INVS: variants seen among roughly 807,000 people sequenced by gnomAD.
The protein encoded by INVS is inversion of embryo turning homolog.
In INVS, 86 loss-of-function variants were observed where a neutral mutation model predicts 108.8. That is an observed-to-expected ratio of 0.79 (90% CI 0.66 to 0.95). The LOEUF (loss-of-function observed/expected upper bound fraction) is 0.95, where lower values mean the gene tolerates loss of function less well. Among genes scored for constraint, INVS ranks in the 40% least tolerant of loss-of-function variants. INVS has a pLI of 0.00. For missense variants in INVS, 1,169 were observed against 1,297.4 expected, an observed-to-expected ratio of 0.90 and a Z score of 1.52; for synonymous variants, 455 against 473.5, an observed-to-expected ratio of 0.96 and a Z score of 0.51.
chr9:100,265,676 A>G (rs1036249779), intron 11 of INVS, among the ~76,000 whole-genome samples: 1 of 152,182 alleles, frequency 6.6e-6, no homozygotes, highest in Non-Finnish European at 1.5e-5. Context: ...ACATAAGGAG[A>G]AGCTAAGATG....
intron 3 of INVS, among the ~76,000 whole-genome samples, chr9:100,164,403 C>CT (rs1359723941): frequency 1.4e-5 from 2 of 142,118 alleles, no homozygotes; most frequent in Admixed American, 6.7e-5. Flanking sequence ...GACTTTGACA[C>CT]TAAGTTTTTT....
intron 2 of INVS, among the ~76,000 whole-genome samples, chr9:100,108,951 C>T (rs187038180): frequency 7.9e-5 from 12 of 152,342 alleles, no homozygotes; most frequent in Non-Finnish European, 1.8e-4. Context: ...TTAGGGCTTA[C>T]TTCTGAGCCT....
intron 3 of INVS, among the ~76,000 whole-genome samples, chr9:100,141,813 G>T (rs1461939013): frequency 2.0e-5 from 3 of 152,194 alleles, no homozygotes; most frequent in Admixed American, 6.5e-5. Flanking sequence ...GAAATGAGAG[G>T]TTCTAAGAGA....
At chr9:100,295,090 T>G (rs796582963) in intron 14 of INVS, among the ~76,000 whole-genome samples, 1 of 152,284 alleles carries the variant, frequency 6.6e-6, no homozygotes, top group East Asian at 1.9e-4. Context: ...GATGAACTTT[T>G]TAAGTATTCT....
At chr9:100,236,042 G>A in intron 5 of INVS, among the ~76,000 whole-genome samples, 1 of 152,056 alleles carries the variant, frequency 6.6e-6, no homozygotes, top group Middle Eastern at 3.2e-3. Flanking sequence ...TTTCTTGGAG[G>A]CTTTGTTCAT....
chr9:100,188,370 G>C (rs184108158), intron 3 of INVS, among the ~76,000 whole-genome samples: 14 of 152,224 alleles, frequency 9.2e-5, no homozygotes, highest in Non-Finnish European at 2.1e-4. Flanking sequence ...ATAATAATGT[G>C]TTGAGGGTTT....
intron 3 of INVS, among the ~76,000 whole-genome samples, chr9:100,142,362 CA>C (rs1170518906): frequency 6.6e-6 from 1 of 152,036 alleles, no homozygotes; most frequent in East Asian, 1.9e-4. Flanking sequence ...GCGGTAGCCT[CA>C]ATGATAGATG....
At chr9:100,179,401 C>A (rs540020450) in intron 3 of INVS, among the ~76,000 whole-genome samples, 4 of 151,392 alleles carry the variant, frequency 2.6e-5, no homozygotes, top group African/African-American at 9.7e-5. Flanking sequence ...ACCCATCTCA[C>A]GTGCAAAGAC....
chr9:100,301,984 C>T lies in INVS; in HGVS notation c.*1310C>T. 2.3e-6 allele frequency: 1 copy of T among 436,734 alleles called. No homozygotes were observed. Among genetic ancestry groups the T allele is most frequent in the Non-Finnish European group, 4.1e-6 (1 of 244,812 alleles). 27.1% of individuals were successfully genotyped at this position (436,734 alleles called of 1,614,324 possible). A position where few individuals can be genotyped will look rare whatever the true frequency, so the allele number is the denominator to read the frequency against. The stretch of plus-strand genomic sequence containing the variant: ...ATGCACAATGCACAACCGCCTATGA[C>T]CATGTATCGTGTGCTAGTCCGGGAA... On this transcript the variant is annotated 3_prime_UTR_variant, in exon 17 of 17. Coordinates refer to ENST00000262457, the MANE Select transcript of INVS (RefSeq NM_014425.5).
rs565785892 is a variant in INVS at position 100,112,146 on chromosome 9, AT to A, written c.106+7524del. 2.5e-3 allele frequency among the ~76,000 whole-genome samples: 379 copies of A among 151,972 alleles called. 6 individuals are homozygous for A. Among genetic ancestry groups the A allele is most frequent in the Non-Finnish European group, 5.2e-4 (35 of 67,944 alleles). On this transcript the variant is annotated intron_variant, in intron 2 of 16. Transcript: ENST00000262457. ...GCCACCATGCTCAGCTAATTTTTGTATTTTTAGTAGAGACAGGGTTTTGCTA... is the reference window on the plus strand; with the variant it reads ...GCCACCATGCTCAGCTAATTTTTGTATTTTAGTAGAGACAGGGTTTTGCTA...
chr9:100,201,769 A>T (rs573674246), intron 3 of INVS, among the ~76,000 whole-genome samples: 1 of 152,384 alleles, frequency 6.6e-6, no homozygotes, highest in South Asian at 2.1e-4. Flanking sequence ...TTACCTGTTT[A>T]TAATTAGCAA....
At chr9:100,235,850 G>T (rs975312013) in intron 5 of INVS, among the ~76,000 whole-genome samples, 3 of 152,076 alleles carry the variant, frequency 2.0e-5, no homozygotes, top group Non-Finnish European at 4.4e-5. Context: ...GTGTCTTGGG[G>T]TTGCTCTTCT....
intron 1 of INVS, among the ~76,000 whole-genome samples, chr9:100,100,697 TGTAC>T (rs1297099515): frequency 5.0e-4 from 10 of 20,038 alleles, no homozygotes; most frequent in African/African-American, 3.6e-3. Flanking sequence ...ATATTATATA[TGTAC>T]ATATAATATA....
intron 8 of INVS, among the ~76,000 whole-genome samples, chr9:100,248,886 GA>G (rs895422281): frequency 2.0e-5 from 3 of 149,942 alleles, no homozygotes; most frequent in Non-Finnish European, 4.4e-5. Context: ...TCTTTTTTTA[GA>G]AAAAAAAAGT....
intron 3 of INVS, among the ~76,000 whole-genome samples, chr9:100,176,571 G>T (rs545909298): frequency 7.9e-5 from 12 of 152,106 alleles, no homozygotes; most frequent in Admixed American, 6.5e-4. Context: ...CCACCTTCCG[G>T]GTTGATGTGA....
rs376879175 is a variant in INVS, at chr9:100,293,039, C to A, written c.2782C>A (p.Arg928=). 3.1e-6 allele frequency: 5 copies of A among 1,613,140 alleles called. No individual in the cohort carries two copies. In the Admixed American group the frequency reaches 6.7e-5, roughly 21 times the overall value. ...AGCAGCAGTCATCCAGCGCGCCTGG[C>A]GAAGGTAGGAAAATGGGGTGCTGCC... is the stretch of plus-strand genomic sequence containing the variant. ...KAAAVIQRAW[R]SYQLRKHLSH... The change falls in exon 14 of 17, where the codon CGA becomes AGA. Residue 928 remains arginine (R), a synonymous_variant. Coordinates refer to ENST00000262457, the MANE Select transcript of INVS (RefSeq NM_014425.5).
chr9:100,130,556 A>G (rs970190299), intron 3 of INVS: 1 of 152,184 alleles, frequency 6.6e-6, no homozygotes, highest in Non-Finnish European at 1.5e-5. Flanking sequence ...TACGTATGTT[A>G]GCTTATAGAT....
intron 11 of INVS, among the ~76,000 whole-genome samples, chr9:100,270,560 T>C (rs1362043378): frequency 6.6e-6 from 1 of 151,534 alleles, no homozygotes. Context: ...GCCTGACCAA[T>C]ATGATGAAAC....
chr9:100,291,895 T>C (rs1037379995), intron 13 of INVS, among the ~76,000 whole-genome samples: 1 of 152,208 alleles, frequency 6.6e-6, no homozygotes, highest in African/African-American at 2.4e-5. Flanking sequence ...CAGTTAACTT[T>C]CTTCCTGCAA....
Sources: gnomAD v4.1 joint callset for allele counts (sites outside exome capture counted in the v4.1 genomes callset) on GRCh38, gnomAD v4.1.1 for gene constraint, MANE v1.5 for transcripts, NCBI Gene and HGNC (gene_info 2026-07-23, HGNC 2026-07-21) for gene names.